Variants in ELFN1 observed in about 807,000 individuals in gnomAD.
ELFN1 encodes the protein extracellular leucine rich repeat and fibronectin type III domain containing 1.
A neutral mutation model predicts 7.6 loss-of-function variants in ELFN1; 6 were observed. The observed-to-expected ratio is 0.79, with a 90% CI of 0.43 to 1.56. The LOEUF (loss-of-function observed/expected upper bound fraction) is 1.56. ELFN1 is among the 40% of genes most tolerant of loss of function. The pLI, the probability that ELFN1 is intolerant of heterozygous loss-of-function variation, is 0.01. For synonymous variants in ELFN1, 657 were observed against 588.1 expected (o/e 1.12, Z -1.70); for missense variants, 1,169 against 1,232.2 (o/e 0.95, Z 0.77).
chr7:1,731,686 C>G (rs1780327786), intron 3 of ELFN1, among the ~76,000 whole-genome samples: 1 of 152,246 alleles, frequency 6.6e-6, no homozygotes, highest in African/African-American at 2.4e-5. Flanking sequence ...GAGTCTCGCT[C>G]TGTCGCCCAG....
intron 3 of ELFN1, among the ~76,000 whole-genome samples, chr7:1,733,055 C>T (rs1420223247): frequency 6.6e-6 from 1 of 152,148 alleles, no homozygotes; most frequent in Admixed American, 6.5e-5. Flanking sequence ...CACCTGCCAC[C>T]ACGCCCGGCT....
chr7:1,740,255 G>A lies in ELFN1; in HGVS notation c.-293-4049G>A, dbSNP rs1013819243. ...AGCTCCTTTCAGGCAGTGGGGAGCC[G>A]CCCTCCTGAGGGATGCCTATTGCCC... On this transcript the variant is annotated intron_variant, in intron 3 of 3. Transcript: ENST00000424383. The surrounding 1 kb of genome is among the most constrained non-coding windows in gnomAD (Gnocchi z 5.0). Among the ~76,000 whole-genome samples, 1 of 152,188 alleles carries A rather than the reference G, an allele frequency of 6.6e-6. No individual in the cohort carries two copies. Among genetic ancestry groups the A allele is most frequent in the Admixed American group, 6.5e-5 (1 of 15,286 alleles).
chr7:1,681,090 C>T (rs1778967566), intron 1 of ELFN1, among the ~76,000 whole-genome samples: 1 of 152,218 alleles, frequency 6.6e-6, no homozygotes, highest in South Asian at 2.1e-4. Flanking sequence ...ATCCTGCATC[C>T]TGCAATATGC....
Position 1,739,111 on chromosome 7 carries a change from G to A in ELFN1, c.-293-5193G>A, listed in dbSNP as rs1780533158. On this transcript the variant is annotated intron_variant, in intron 3 of 3. Transcript: ENST00000424383. The surrounding 1 kb of genome is among the most constrained non-coding windows in gnomAD (Gnocchi z 4.6). ...TGGGCCCTGGAGATTGTGTCTGGAG[G>A]CCGGATTCTCCTCCACGCGTGGAGG... is the stretch of plus-strand genomic sequence containing the variant. 6.6e-6 allele frequency: 1 copy of A among 152,116 alleles called. No individual in the cohort carries two copies. Among genetic ancestry groups the A allele is most frequent in the South Asian group, 2.1e-4 (1 of 4,826 alleles). The allele number at this position is 152,116 out of a possible 1,614,324, so 9.4% of individuals were successfully genotyped here. A position where few individuals can be genotyped will look rare whatever the true frequency, so the allele number is the denominator to read the frequency against.
chr7:1,690,118 C>T (rs575627369), intron 2 of ELFN1, among the ~76,000 whole-genome samples: 406 of 150,212 alleles, frequency 2.7e-3, no homozygotes, highest in African/African-American at 9.5e-3. Flanking sequence ...GATGGATGGG[C>T]GGGTGGATGG....
At chr7:1,678,257 G>T (rs910634079) in intron 1 of ELFN1, among the ~76,000 whole-genome samples, 4 of 152,126 alleles carry the variant, frequency 2.6e-5, no homozygotes, top group Non-Finnish European at 5.9e-5. Flanking sequence ...ACACCATGGG[G>T]TCCTGGAGTG....
chr7:1,667,913 C>T (rs1450887289), upstream of ELFN1, among the ~76,000 whole-genome samples: 1 of 138,792 alleles, frequency 7.2e-6, no homozygotes, highest in African/African-American at 2.7e-5. This position sits in a 1 kb window ranked among gnomAD's most constrained non-coding sequence, Gnocchi z 8.2. Flanking sequence ...GGCGACCCGG[C>T]CGGGACTCCG....
chr7:1,667,215 T>C (rs1778685058), upstream of ELFN1, among the ~76,000 whole-genome samples: 1 of 150,920 alleles, frequency 6.6e-6, no homozygotes, highest in African/African-American at 2.4e-5. The surrounding 1 kb of genome is among the most constrained non-coding windows in gnomAD (Gnocchi z 8.2). Context: ...TCAGCACCAT[T>C]CCCGACCGAG....
chr7:1,700,827 C>G (rs12670820), intron 2 of ELFN1, among the ~76,000 whole-genome samples: 15,794 of 152,298 alleles, frequency 0.1, 850 homozygotes, highest in Middle Eastern at 0.14. Context: ...GGTATCTTAC[C>G]AAGCTTTCAT....
chr7:1,672,735 C>A (rs80166971), intron 1 of ELFN1, among the ~76,000 whole-genome samples: 25 of 152,246 alleles, frequency 1.6e-4, no homozygotes, highest in East Asian at 1.4e-3. Flanking sequence ...TCCCTTCCCC[C>A]CCGACAAGCC....
In ELFN1 at chr7:1,745,961, G is replaced by A. The variant is rs773642663; in HGVS notation, c.1365G>A (p.Ser455=). 4.7e-5 allele frequency: 73 copies of A among 1,546,866 alleles called. No individual in the cohort carries two copies. Among genetic ancestry groups the A allele is most frequent in the Non-Finnish European group, 5.8e-5 (66 of 1,144,994 alleles). Residue 455 remains serine, a synonymous_variant, in exon 4 of 4, where the codon TCG becomes TCA. Coordinates refer to ENST00000424383, the MANE Select transcript of ELFN1 (RefSeq NM_001128636.4). ...RQEEKHKKAA[S]AAAAGSLKKT... ...AGGAGAAGCACAAGAAGGCCGCCTC[G>A]GCAGCCGCAGCTGGCAGCCTCAAGA... is the stretch of plus-strand genomic sequence containing the variant.
At chr7:1,724,689 C>T (rs756363076) in intron 3 of ELFN1, among the ~76,000 whole-genome samples, 37 of 152,046 alleles carry the variant, frequency 2.4e-4, no homozygotes, top group African/African-American at 2.9e-4. Flanking sequence ...TGCCAGAGCC[C>T]GGGGCCCCAT....
At chr7:1,694,659 C>T (rs1398965562) in intron 2 of ELFN1, among the ~76,000 whole-genome samples, 1 of 152,236 alleles carries the variant, frequency 6.6e-6, no homozygotes, top group Non-Finnish European at 1.5e-5. Flanking sequence ...CAGACGCCCA[C>T]CTGCCCAGGT....
In ELFN1 at chr7:1,746,088, C is replaced by A; in HGVS notation, c.1492C>A (p.Pro498Thr). Residue 498 changes from proline to threonine, a missense_variant, in exon 4 of 4, where the codon CCT becomes ACT. Coordinates refer to ENST00000424383, the MANE Select transcript of ELFN1 (RefSeq NM_001128636.4). ...LLGPEAVTRI[P>T]YLPAAGEVEQ... ...GGGCCCCGAGGCCGTGACGCGCATC[C>A]CTTACCTGCCTGCGGCCGGCGAGGT... is the stretch of plus-strand genomic sequence containing the variant. The A allele has an allele frequency of 6.5e-7, 1 of 1,547,124 alleles. No homozygotes were observed. The highest frequency in any genetic ancestry group is 1.4e-5 in the African/African-American group (1 of 73,022).
intron 1 of ELFN1, among the ~76,000 whole-genome samples, chr7:1,674,775 G>A (rs1778834779): frequency 6.6e-6 from 1 of 152,162 alleles, no homozygotes; most frequent in Non-Finnish European, 1.5e-5. Flanking sequence ...ACATGAGGCT[G>A]GGGTATATTG....
At chr7:1,691,602 C>T (rs1020651627) in intron 2 of ELFN1, among the ~76,000 whole-genome samples, 2 of 152,208 alleles carry the variant, frequency 1.3e-5, no homozygotes, top group African/African-American at 4.8e-5. Flanking sequence ...GATCCAGGCC[C>T]GACCCACTGC....
chr7:1,715,808 G>A (rs1237616065), intron 3 of ELFN1, among the ~76,000 whole-genome samples: 1 of 152,192 alleles, frequency 6.6e-6, no homozygotes, highest in African/African-American at 2.4e-5. Context: ...TCCTCCCCCT[G>A]GGTCAGGGCT....
intron 1 of ELFN1, among the ~76,000 whole-genome samples, chr7:1,685,612 C>T (rs1214636590): frequency 1.3e-5 from 2 of 152,026 alleles, no homozygotes; most frequent in Non-Finnish European, 2.9e-5. Flanking sequence ...TTCATTTCCG[C>T]AGTCATACTT....
chr7:1,672,645 T>C (rs1315733694), intron 1 of ELFN1, among the ~76,000 whole-genome samples: 1 of 152,130 alleles, frequency 6.6e-6, no homozygotes, highest in Non-Finnish European at 1.5e-5. Flanking sequence ...GCATCAGCTC[T>C]AGATTTTGAT....
Sources: gnomAD v4.1 joint callset for allele counts (sites outside exome capture counted in the v4.1 genomes callset) on GRCh38, gnomAD v4.1.1 for gene constraint, Gnocchi (gnomAD v3.1) non-coding constraint, MANE v1.5 for transcripts, NCBI Gene and HGNC (gene_info 2026-07-23, HGNC 2026-07-21) for gene names.